FSTL4: variants seen among roughly 807,000 people sequenced by gnomAD.
FSTL4 encodes follistatin like 4, also known as follistatin-related protein 4.
Under a neutral mutation model 78.2 loss-of-function variants are expected in FSTL4, and 28 were observed. The ratio of observed to expected loss-of-function variants is 0.36; its 90% CI spans 0.27 to 0.49. The LOEUF (loss-of-function observed/expected upper bound fraction) is 0.49. Ranked by LOEUF, FSTL4 falls within the 20% of genes least tolerant of loss-of-function variation. FSTL4 has a pLI of 0.98. For synonymous variants in FSTL4, 422 were observed against 440.5 expected, an observed-to-expected ratio of 0.96 and a Z score of 0.53; for missense variants, 922 against 1,084.9, an observed-to-expected ratio of 0.85 and a Z score of 2.11.
intron 2 of FSTL4, among the ~76,000 whole-genome samples, chr5:133,567,525 T>G (rs1443382116): frequency 6.6e-6 from 1 of 152,204 alleles, no homozygotes; most frequent in Non-Finnish European, 1.5e-5. Flanking sequence ...AGGAAGACCC[T>G]CTTCCAGGTT....
the FSTL4 span, among the ~76,000 whole-genome samples, chr5:133,737,483 A>T: frequency 6.6e-6 from 1 of 152,090 alleles, no homozygotes; most frequent in Non-Finnish European, 1.5e-5. Context: ...TATATGTGCC[A>T]CATATTCTTT....
At chr5:133,742,977 A>G in the FSTL4 span, among the ~76,000 whole-genome samples, 2 of 152,272 alleles carry the variant, frequency 1.3e-5, no homozygotes, top group South Asian at 4.2e-4. Context: ...GTGGCTTTTC[A>G]ATTCTCTGAG....
At chr5:133,342,699 T>C (rs144914379) in intron 4 of FSTL4, among the ~76,000 whole-genome samples, 2,137 of 152,272 alleles carry the variant, frequency 0.014, 20 homozygotes, top group Non-Finnish European at 0.023. Context: ...CAAATTAACA[T>C]TGTAACCCTA....
At position 133,199,563 on chromosome 5, in the gene FSTL4, A is replaced by G. The variant is rs1750254111; in HGVS notation, c.2061T>C (p.Asp687=). The part of the protein sequence containing the change: ...VTDSVLGPNG[D]VTGTPHTSPD... Reference sequence around the variant, plus strand: ...GGGATGTGTGTGGGGTGCCTGTTACATCACCATTGGGGCCAAGCACAGAGT... The same window carrying G: ...GGGATGTGTGTGGGGTGCCTGTTACGTCACCATTGGGGCCAAGCACAGAGT... The change falls in exon 16 of 16, where the codon GAT becomes GAC. Residue 687 remains aspartate (D), a synonymous_variant. Coordinates refer to ENST00000265342, the MANE Select transcript of FSTL4 (RefSeq NM_015082.2). The surrounding 1 kb of genome is among the most constrained non-coding windows in gnomAD (Gnocchi z 4.4). The G allele has an allele frequency of 6.2e-7, 1 of 1,613,948 alleles. No individual in the cohort carries two copies. The highest frequency in any genetic ancestry group is 8.5e-7 in the Non-Finnish European group (1 of 1,179,830).
intron 3 of FSTL4, among the ~76,000 whole-genome samples, chr5:133,434,097 G>A (rs1756994749): frequency 6.6e-6 from 1 of 152,174 alleles, no homozygotes; most frequent in African/African-American, 2.4e-5. Context: ...GGGCAAAAGG[G>A]GAGGGAGGGA....
At chr5:133,561,179 T>C (rs1254021716) in intron 3 of FSTL4, among the ~76,000 whole-genome samples, 1 of 149,154 alleles carries the variant, frequency 6.7e-6, no homozygotes, top group African/African-American at 2.5e-5. Flanking sequence ...ACATCCAGAG[T>C]CTCATGAACA....
chr5:133,525,959 A>G (rs894872093), intron 3 of FSTL4, among the ~76,000 whole-genome samples: 25 of 152,210 alleles, frequency 1.6e-4, no homozygotes, highest in African/African-American at 6.0e-4. Flanking sequence ...TTACATGCTC[A>G]GCACTGTGCT....
At chr5:133,458,948 G>A (rs143020271) in intron 3 of FSTL4, among the ~76,000 whole-genome samples, 77 of 152,228 alleles carry the variant, frequency 5.1e-4, no homozygotes, top group African/African-American at 1.6e-3. Flanking sequence ...GAGGAGAGGC[G>A]CAGCGGACAT....
At chr5:133,281,148 T>C (rs962129879) in intron 6 of FSTL4, among the ~76,000 whole-genome samples, 35 of 152,076 alleles carry the variant, frequency 2.3e-4, no homozygotes, top group Non-Finnish European at 1.0e-4. Context: ...GTCCTGCCCC[T>C]TCCACCAGCC....
At chr5:133,517,046 C>T (rs1165471504) in intron 3 of FSTL4, among the ~76,000 whole-genome samples, 1 of 150,890 alleles carries the variant, frequency 6.6e-6, no homozygotes, top group Non-Finnish European at 1.5e-5. Flanking sequence ...CACTGCACTC[C>T]AGCCTGGGAG....
intron 4 of FSTL4, among the ~76,000 whole-genome samples, chr5:133,339,748 T>G (rs1447981018): frequency 6.6e-6 from 1 of 152,242 alleles, no homozygotes; most frequent in Non-Finnish European, 1.5e-5. Context: ...CTTTCCCTTT[T>G]GCTTCCTCTG....
the FSTL4 span, among the ~76,000 whole-genome samples, chr5:133,753,727 G>GTGTGTA: frequency 0.087 from 11,709 of 134,148 alleles, 609 homozygotes; most frequent in East Asian, 0.13. Context: ...GTGTGTGTGT[G>GTGTGTA]TAGTGGCAGG....
chr5:133,254,312 A>G (rs962466218), intron 6 of FSTL4, among the ~76,000 whole-genome samples: 1 of 152,200 alleles, frequency 6.6e-6, no homozygotes, highest in African/African-American at 2.4e-5. Context: ...AAGGGAACAA[A>G]TCTTGCCTGA....
the FSTL4 span, among the ~76,000 whole-genome samples, chr5:133,636,901 T>A: frequency 6.6e-6 from 1 of 152,174 alleles, no homozygotes; most frequent in African/African-American, 2.4e-5. Context: ...AATATAATTA[T>A]CCATACTATA....
chr5:133,219,748 C>T (rs1244971484), intron 12 of FSTL4, among the ~76,000 whole-genome samples: 2 of 152,186 alleles, frequency 1.3e-5, no homozygotes, highest in Admixed American at 6.5e-5. Context: ...AACTGAATCC[C>T]GGTTAGGATT....
chr5:133,249,304 A>G (rs1581568454), intron 7 of FSTL4, 106 bp downstream of exon 7: 1 of 863,914 alleles, frequency 1.2e-6, no homozygotes, highest in East Asian at 2.4e-5. Context: ...CAAACACAGG[A>G]TGTTAAACTA....
At chr5:133,715,047 A>G in the FSTL4 span, among the ~76,000 whole-genome samples, 1 of 152,244 alleles carries the variant, frequency 6.6e-6, no homozygotes, top group Non-Finnish European at 1.5e-5. Context: ...ACTCAGTCAA[A>G]TCTTCAAAAT....
intron 3 of FSTL4, among the ~76,000 whole-genome samples, chr5:133,547,025 A>G (rs1759589435): frequency 6.6e-6 from 1 of 152,366 alleles, no homozygotes; most frequent in African/African-American, 2.4e-5. Flanking sequence ...GAGAGCCCCC[A>G]TTAAGTAATG....
intron 4 of FSTL4, among the ~76,000 whole-genome samples, chr5:133,398,637 G>A (rs1420310641): frequency 6.6e-6 from 1 of 152,228 alleles, no homozygotes; most frequent in East Asian, 1.9e-4. Context: ...GCACCAGGCA[G>A]CGTGCTAAGT....
Sources: gnomAD v4.1 joint callset for allele counts (sites outside exome capture counted in the v4.1 genomes callset) on GRCh38, gnomAD v4.1.1 for gene constraint, Gnocchi (gnomAD v3.1) non-coding constraint, MANE v1.5 for transcripts, NCBI Gene and HGNC (gene_info 2026-07-23, HGNC 2026-07-21) for gene names.